HCN1: variants seen among roughly 807,000 people sequenced by gnomAD.
The protein encoded by HCN1 is hyperpolarization activated cyclic nucleotide gated potassium channel 1.
Under a neutral mutation model 78.9 loss-of-function variants are expected in HCN1, and 13 were observed. That is an observed-to-expected ratio of 0.16 (90% CI 0.11 to 0.26). HCN1 has a LOEUF of 0.26. Among genes scored for constraint, HCN1 ranks in the 10% least tolerant of loss-of-function variants. The pLI is 1.00. For synonymous variants in HCN1, 552 were observed against 455.5 expected, an observed-to-expected ratio of 1.21 and a Z score of -2.70; for missense variants, 810 against 1,154.3, an observed-to-expected ratio of 0.70 and a Z score of 4.32.
chr5:45,526,794 T>C (rs1321372452), intron 2 of HCN1, among the ~76,000 whole-genome samples: 18 of 152,042 alleles, frequency 1.2e-4, no homozygotes, highest in Admixed American at 1.2e-3. Flanking sequence ...TATCCTCATA[T>C]TGTAATCCTT....
intron 2 of HCN1, among the ~76,000 whole-genome samples, chr5:45,465,584 G>A (rs1215673097): frequency 6.6e-6 from 1 of 151,962 alleles, no homozygotes; most frequent in African/African-American, 2.4e-5. Flanking sequence ...GTGAACCCTT[G>A]TCTCTACTAA....
intron 7 of HCN1, among the ~76,000 whole-genome samples, chr5:45,264,654 T>TTAAC (rs1258142216): frequency 2.0e-5 from 3 of 152,220 alleles, no homozygotes; most frequent in African/African-American, 7.2e-5. Flanking sequence ...GCATATTTGC[T>TTAAC]TAACTAACTG....
In HCN1 at chr5:45,255,103, C is replaced by A. The variant is rs1046942908; in HGVS notation, c.*6818G>T. 1.3e-5 allele frequency: 2 copies of A among 152,162 alleles called. No individual in the cohort carries two copies. The highest frequency in any genetic ancestry group is 2.9e-5 in the Non-Finnish European group (2 of 68,032). The allele number at this position is 152,162 out of a possible 1,614,324, so 9.4% of individuals were successfully genotyped here. A position where few individuals can be genotyped will look rare whatever the true frequency, so the allele number is the denominator to read the frequency against. On this transcript the variant is annotated 3_prime_UTR_variant, in exon 8 of 8. Coordinates refer to ENST00000303230, the MANE Select transcript of HCN1 (RefSeq NM_021072.4). ...ATGTGACATAAGGAAATTATAATACCTAACACATATTAGTTTTCTCTTCCC... is the reference window on the plus strand; with the variant it reads ...ATGTGACATAAGGAAATTATAATACATAACACATATTAGTTTTCTCTTCCC...
intron 3 of HCN1, among the ~76,000 whole-genome samples, chr5:45,422,098 T>G (rs1386478448): frequency 1.3e-5 from 2 of 152,170 alleles, no homozygotes; most frequent in African/African-American, 4.8e-5. Context: ...GCCCTGCCCA[T>G]GTGTGGAAGA....
At chr5:45,602,316 T>C (rs980321713) in intron 2 of HCN1, among the ~76,000 whole-genome samples, 1 of 152,112 alleles carries the variant, frequency 6.6e-6, no homozygotes, top group African/African-American at 2.4e-5. Flanking sequence ...TAATCCAATA[T>C]GACCAGTATA....
chr5:45,469,209 T>C (rs920033197), intron 2 of HCN1, among the ~76,000 whole-genome samples: 3 of 151,920 alleles, frequency 2.0e-5, no homozygotes, highest in African/African-American at 7.2e-5. Context: ...GATGACCATG[T>C]GACAGGTCAG....
intron 2 of HCN1, among the ~76,000 whole-genome samples, chr5:45,520,722 AT>A (rs1742598291): frequency 6.6e-6 from 1 of 152,032 alleles, no homozygotes; most frequent in Non-Finnish European, 1.5e-5. Context: ...TTTGGTAAGT[AT>A]ATATTGAGGA....
chr5:45,396,663 C>T lies in HCN1; in HGVS notation c.1059G>A (p.Met353Ile). Residue 353 changes from methionine to isoleucine, a missense_variant, in exon 4 of 8, where the codon ATG becomes ATA. Met to Ile is a conservative substitution (Grantham distance 10). This residue lies in a region of HCN1 where 104 missense variants were observed against 402.8 expected (regional missense o/e 0.26). Transcript: ENST00000303230. The stretch of plus-strand genomic sequence containing the variant: ...CATACCCAATGCACAGCATGTGACT[C>T]ATAGCTTTGAAGAGTGCGTATGAAT... Reference protein sequence around the residue: ...KQYSYALFKAMSHMLCIGYGA... With the variant: ...KQYSYALFKAISHMLCIGYGA... The T allele has an allele frequency of 6.2e-7, 1 of 1,613,858 alleles. No individual in the cohort carries two copies. Among genetic ancestry groups the T allele is most frequent in the Non-Finnish European group, 8.5e-7 (1 of 1,179,880 alleles).
chr5:45,489,958 A>AT (rs1054060535), intron 2 of HCN1, among the ~76,000 whole-genome samples: 11 of 152,304 alleles, frequency 7.2e-5, no homozygotes, highest in African/African-American at 2.2e-4. Flanking sequence ...ACAGTGAATA[A>AT]TTTTTTAGTA....
chr5:45,299,615 T>A (rs1227936800), intron 6 of HCN1, among the ~76,000 whole-genome samples: 1 of 151,890 alleles, frequency 6.6e-6, no homozygotes, highest in Non-Finnish European at 1.5e-5. Flanking sequence ...AACAATTGAA[T>A]TAGATGAACT....
chr5:45,319,129 T>A (rs1335916119), intron 5 of HCN1, among the ~76,000 whole-genome samples: 1 of 152,120 alleles, frequency 6.6e-6, no homozygotes, highest in South Asian at 2.1e-4. Context: ...TTTAGGCTAA[T>A]AAAATAAATG....
intron 3 of HCN1, among the ~76,000 whole-genome samples, chr5:45,397,625 C>T (rs995369561): frequency 1.1e-4 from 17 of 151,118 alleles, no homozygotes; most frequent in East Asian, 7.7e-4. Context: ...GTTCAAAATG[C>T]GGGAAAAAAA....
chr5:45,548,601 T>C (rs1275652325), intron 2 of HCN1, among the ~76,000 whole-genome samples: 1 of 152,036 alleles, frequency 6.6e-6, no homozygotes, highest in Non-Finnish European at 1.5e-5. Flanking sequence ...AGGGATGCCC[T>C]CTCTCACCAC....
At chr5:45,353,033 A>G in intron 5 of HCN1, 67 bp downstream of exon 5, 1 of 1,373,070 alleles carries the variant, frequency 7.3e-7, no homozygotes. Flanking sequence ...GGACTAGAAG[A>G]TTCTCCATGA....
chr5:45,324,516 G>T (rs554398942), intron 5 of HCN1, among the ~76,000 whole-genome samples: 20 of 152,062 alleles, frequency 1.3e-4, no homozygotes, highest in African/African-American at 3.1e-4. Context: ...TGCTGGAGAG[G>T]ATGTGGAGAA....
At chr5:45,611,423 C>G (rs1045539882) in intron 2 of HCN1, among the ~76,000 whole-genome samples, 28 of 151,584 alleles carry the variant, frequency 1.8e-4, no homozygotes, top group Admixed American at 1.4e-3. Context: ...AGGCGCCCAC[C>G]ACCATGTTTG....
chr5:45,552,618 G>A (rs1743391010), intron 2 of HCN1, among the ~76,000 whole-genome samples: 2 of 151,874 alleles, frequency 1.3e-5, no homozygotes, highest in Admixed American at 1.3e-4. Context: ...ACATCTGAAA[G>A]AGCTTTTTGC....
At chr5:45,658,654 G>T (rs1745843879) in intron 1 of HCN1, among the ~76,000 whole-genome samples, 2 of 151,788 alleles carry the variant, frequency 1.3e-5, no homozygotes, top group Non-Finnish European at 2.9e-5. Context: ...AGCGCAAGGG[G>T]TCAGGGAGTT....
At chr5:45,525,014 T>C (rs959371385) in intron 2 of HCN1, among the ~76,000 whole-genome samples, 2 of 152,116 alleles carry the variant, frequency 1.3e-5, no homozygotes, top group African/African-American at 4.8e-5. Context: ...TAGCTCTTAT[T>C]ATTTTGAGAT....
Sources: gnomAD v4.1 joint callset for allele counts (sites outside exome capture counted in the v4.1 genomes callset) on GRCh38, gnomAD v4.1.1 for gene constraint, gnomAD v4.1.1 regional missense constraint, MANE v1.5 for transcripts, NCBI Gene and HGNC (gene_info 2026-07-23, HGNC 2026-07-21) for gene names.